PTPN14: variants seen among roughly 807,000 people sequenced by gnomAD.
PTPN14 encodes tyrosine-protein phosphatase non-receptor type 14.
In PTPN14, 53 loss-of-function variants were observed where a neutral mutation model predicts 126.8. The ratio of observed to expected loss-of-function variants is 0.42; its 90% confidence interval spans 0.34 to 0.53. PTPN14 has a LOEUF of 0.53. Among genes scored for constraint, PTPN14 ranks in the 20% least tolerant of loss-of-function variants. PTPN14 has a pLI of 0.08. For missense variants in PTPN14, 1,257 were observed against 1,552.9 expected (o/e 0.81, Z 3.20); for synonymous variants, 630 against 599.3 (o/e 1.05, Z -0.75).
intron 1 of PTPN14, among the ~76,000 whole-genome samples, chr1:214,513,462 A>T (rs1655025571): frequency 6.6e-6 from 1 of 151,180 alleles, no homozygotes; most frequent in Non-Finnish European, 1.5e-5. Context: ...AAAAAATCTG[A>T]TAGCACTGGC....
chr1:214,478,457 C>G (rs1317724896), intron 1 of PTPN14, among the ~76,000 whole-genome samples: 1 of 152,012 alleles, frequency 6.6e-6, no homozygotes, highest in Non-Finnish European at 1.5e-5. Context: ...GGGAGTATTT[C>G]CATACTCAGA....
At chr1:214,472,171 T>C (rs74853658) in intron 1 of PTPN14, among the ~76,000 whole-genome samples, 1 of 152,180 alleles carries the variant, frequency 6.6e-6, no homozygotes, top group Non-Finnish European at 1.5e-5. Context: ...AAATCACATG[T>C]TGAATTGTAA....
chr1:214,483,042 C>T, intron 1 of PTPN14: 5 of 1,606,962 alleles, frequency 3.1e-6, no homozygotes, highest in South Asian at 1.1e-5. Flanking sequence ...ATACTGTGAA[C>T]CTTGTCTACA....
chr1:214,481,806 A>G (rs893894863), intron 1 of PTPN14, among the ~76,000 whole-genome samples: 4 of 151,936 alleles, frequency 2.6e-5, no homozygotes, highest in African/African-American at 9.7e-5. Context: ...TAACACAGTG[A>G]AACCCCATCT....
chr1:214,449,585 C>T (rs1018039634), intron 3 of PTPN14, among the ~76,000 whole-genome samples: 6 of 152,098 alleles, frequency 3.9e-5, no homozygotes, highest in Admixed American at 3.3e-4. Flanking sequence ...TTCCTAGCAC[C>T]GTGTAAAGTA....
At position 214,356,585 on chromosome 1, in the gene PTPN14, T is replaced by G. The variant is rs1457473140; in HGVS notation, c.*1337A>C. The G allele has an allele frequency of 2.0e-5, 3 of 152,206 alleles. No homozygotes were observed. The highest frequency in any genetic ancestry group is 4.4e-5 in the Non-Finnish European group (3 of 68,040). The allele number at this position is 152,206 out of a possible 1,614,324, so 9.4% of individuals were successfully genotyped here. A position where few individuals can be genotyped will look rare whatever the true frequency, so the allele number is the denominator to read the frequency against. On this transcript the variant is annotated 3_prime_UTR_variant, in exon 19 of 19. Coordinates refer to ENST00000366956, the MANE Select transcript of PTPN14 (RefSeq NM_005401.5). ...GAAGCCATAGGAAGAAACTAAGAAC[T>G]GGGCTTCAAAGTGAAGATAACTGAC...
At chr1:214,424,916 A>G (rs977968857) in intron 3 of PTPN14, among the ~76,000 whole-genome samples, 1 of 150,868 alleles carries the variant, frequency 6.6e-6, no homozygotes, top group African/African-American at 2.4e-5. Flanking sequence ...CAGCAATTTA[A>G]TATTAAAGAT....
At chr1:214,451,097 T>C (rs908088422) in intron 3 of PTPN14, among the ~76,000 whole-genome samples, 7 of 152,282 alleles carry the variant, frequency 4.6e-5, no homozygotes, top group Middle Eastern at 3.4e-3. Context: ...CCACATTTTG[T>C]TTGGGGATAT....
At chr1:214,436,100 G>A (rs1216146089) in intron 3 of PTPN14, among the ~76,000 whole-genome samples, 1 of 152,150 alleles carries the variant, frequency 6.6e-6, no homozygotes, top group East Asian at 1.9e-4. Flanking sequence ...GCAGCAACAT[G>A]GATGCAGGTG....
intron 8 of PTPN14, among the ~76,000 whole-genome samples, chr1:214,396,689 G>A (rs1198503465): frequency 6.6e-6 from 1 of 152,214 alleles, no homozygotes; most frequent in Admixed American, 6.5e-5. Context: ...AAACCTGTGA[G>A]TGGCTTATGC....
intron 1 of PTPN14, among the ~76,000 whole-genome samples, chr1:214,513,861 T>C (rs1309145999): frequency 6.6e-6 from 1 of 152,176 alleles, no homozygotes; most frequent in African/African-American, 2.4e-5. Flanking sequence ...CAAAAGTCGA[T>C]TCTCATTAAA....
chr1:214,372,907 T>C lies in PTPN14; in HGVS notation c.2908-68A>G. Reference sequence around the variant, plus strand: ...GACAACATTACCTGCTGATCACCTGTCCATCTGTATCCACCTTAAAACCTT... The same window carrying C: ...GACAACATTACCTGCTGATCACCTGCCCATCTGTATCCACCTTAAAACCTT... On this transcript the variant is annotated intron_variant, in intron 15 of 18. Coordinates refer to ENST00000366956, the MANE Select transcript of PTPN14 (RefSeq NM_005401.5). 3 of 1,584,082 alleles carry C rather than the reference T, an allele frequency of 1.9e-6. No homozygotes were observed. The Admixed American group carries it at 5.2e-5, about 27-fold the overall frequency.
At chr1:214,397,793 T>C in intron 8 of PTPN14, 120 bp downstream of exon 8, 3 of 784,122 alleles carry the variant, frequency 3.8e-6, no homozygotes, top group Non-Finnish European at 6.1e-6. Flanking sequence ...TTATATGAGC[T>C]GAGAGAAGTC....
intron 2 of PTPN14, among the ~76,000 whole-genome samples, chr1:214,453,294 C>T (rs1053222716): frequency 7.2e-5 from 11 of 152,196 alleles, no homozygotes; most frequent in African/African-American, 1.2e-4. Flanking sequence ...CATTTCCTAG[C>T]TCCACTGAGT....
chr1:214,399,820 A>G (rs1376241488), intron 7 of PTPN14, among the ~76,000 whole-genome samples: 1 of 152,104 alleles, frequency 6.6e-6, no homozygotes, highest in Non-Finnish European at 1.5e-5. Flanking sequence ...TTTTTTGGTG[A>G]GACTTTCTCA....
intron 8 of PTPN14, among the ~76,000 whole-genome samples, chr1:214,397,538 T>A (rs569645162): frequency 6.6e-6 from 1 of 152,208 alleles, no homozygotes; most frequent in Non-Finnish European, 1.5e-5. Flanking sequence ...TTTTTAAAAC[T>A]AATCACCTTT....
intron 5 of PTPN14, among the ~76,000 whole-genome samples, chr1:214,407,694 T>C (rs746133324): frequency 7.9e-4 from 120 of 152,214 alleles, no homozygotes; most frequent in Non-Finnish European, 1.6e-3. Context: ...TTCTCCCATA[T>C]GCCATCACTG....
At chr1:214,368,968 C>T (rs3002312) in intron 17 of PTPN14, among the ~76,000 whole-genome samples, 122,786 of 152,096 alleles carry the variant, frequency 0.81, 50,143 homozygotes, top group African/African-American at 0.93. Flanking sequence ...GGTGACAGAG[C>T]GAGACTCCGC....
Position 214,451,948 on chromosome 1 carries a change from G to T in PTPN14, c.201C>A (p.Leu67=). 1 of 1,614,070 alleles carries T rather than the reference G, an allele frequency of 6.2e-7. No homozygotes were observed. Among genetic ancestry groups the T allele is most frequent in the Non-Finnish European group, 8.5e-7 (1 of 1,179,980 alleles). The change falls in exon 3 of 19, where the codon CTC becomes CTA. Residue 67 remains leucine, a synonymous_variant. Coordinates refer to ENST00000366956, the MANE Select transcript of PTPN14 (RefSeq NM_005401.5). ...RETHYFGLWF[L]SKSQQARWVE... is the part of the protein sequence containing the mutation. ...CCCATCGTGCTTGCTGGCTCTTGCT[G>T]AGAAACCAAAGGCCAAAGTAGTGCG... is the stretch of plus-strand genomic sequence containing the variant.
Sources: gnomAD v4.1 joint callset for allele counts (sites outside exome capture counted in the v4.1 genomes callset) on GRCh38, gnomAD v4.1.1 for gene constraint, MANE v1.5 for transcripts, NCBI Gene and HGNC (gene_info 2026-07-23, HGNC 2026-07-21) for gene names.